MS4A18: variants seen among roughly 807,000 people sequenced by gnomAD.
The protein encoded by MS4A18 is membrane spanning 4-domains A18.
Under a neutral mutation model 13.1 loss-of-function variants are expected in MS4A18, and 27 were observed. That is an observed-to-expected ratio of 2.06 (90% CI 1.52 to 2.84). The LOEUF (loss-of-function observed/expected upper bound fraction) is 2.84. Ranked by LOEUF, MS4A18 falls within the 30% of genes most tolerant of loss-of-function variation. MS4A18 has a pLI of 0.00. For missense variants in MS4A18, 307 were observed against 196.4 expected (o/e 1.56, Z -3.37); for synonymous variants, 126 against 76.5 (o/e 1.65, Z -3.38).
At chr11:60,726,717 CTTTT>C (rs1853166215), upstream of MS4A18, among the ~76,000 whole-genome samples, 1 of 124,910 alleles carries the variant, frequency 8.0e-6, no homozygotes, top group African/African-American at 3.1e-5. Flanking sequence ...TGGGGTAACA[CTTTT>C]ATTTTATTTT....
At chr11:60,739,848 G>T (rs536085851) in intron 4 of MS4A18, among the ~76,000 whole-genome samples, 1 of 152,358 alleles carries the variant, frequency 6.6e-6, no homozygotes. Context: ...AAGATCGAGA[G>T]TAGCTAGCTC....
At chr11:60,733,408 T>TA in intron 1 of MS4A18, 126 bp from the exon 3 acceptor site, 1 of 651,018 alleles carries the variant, frequency 1.5e-6, no homozygotes, top group Non-Finnish European at 2.8e-6. Flanking sequence ...CCATTTGGTC[T>TA]GGGATGAGCC....
chr11:60,743,421 T>A (rs1208687347), intron 5 of MS4A18, among the ~76,000 whole-genome samples: 1 of 152,232 alleles, frequency 6.6e-6, no homozygotes, highest in Non-Finnish European at 1.5e-5. Context: ...CCAGTCTTTA[T>A]GTTCAGTGTT....
At chr11:60,730,173 G>T (rs533206319) in intron 1 of MS4A18, among the ~76,000 whole-genome samples, 1 of 152,286 alleles carries the variant, frequency 6.6e-6, no homozygotes, top group African/African-American at 2.4e-5. Context: ...CTCGCTCTGG[G>T]CCTCCATTTC....
intron 2 of MS4A18, among the ~76,000 whole-genome samples, chr11:60,734,036 G>A (rs1853298595): frequency 1.3e-5 from 2 of 152,084 alleles, no homozygotes; most frequent in African/African-American, 2.4e-5. Flanking sequence ...TTGGGGTCAG[G>A]AGTTTGAGAC....
intron 2 of MS4A18, among the ~76,000 whole-genome samples, chr11:60,735,048 G>A (rs558116686): frequency 4.0e-4 from 61 of 152,072 alleles, no homozygotes; most frequent in Non-Finnish European, 8.2e-4. Flanking sequence ...TTCCTAAAGC[G>A]CTGGGATTAC....
intron 5 of MS4A18, among the ~76,000 whole-genome samples, chr11:60,742,348 T>C (rs1329821949): frequency 1.3e-5 from 2 of 152,230 alleles, no homozygotes; most frequent in East Asian, 3.8e-4. Flanking sequence ...TTGAGCAATT[T>C]CAGTCAGATT....
rs145242396 is a variant in MS4A18, at chr11:60,736,899, G to A, written c.592-79G>A. Reference sequence around the variant, plus strand: ...GCATAGAACATAAAGATTGAGAAATGCGTCTCTGAGTGGACAGCTGTCTTT... The same window carrying A: ...GCATAGAACATAAAGATTGAGAAATACGTCTCTGAGTGGACAGCTGTCTTT... On this transcript the variant is annotated intron_variant, in intron 2 of 5. Coordinates refer to ENST00000529108, the Ensembl canonical transcript of MS4A18. 1,220 of 674,626 alleles carry A rather than the reference G, an allele frequency of 1.8e-3. 11 individuals carry two copies. The highest frequency in any genetic ancestry group is 0.017 in the African/African-American group (919 of 55,262). The allele number at this position is 674,626 out of a possible 1,614,324, so 41.8% of individuals were successfully genotyped here.
chr11:60,733,370 T>A (rs7110684), intron 1 of MS4A18, among the ~76,000 whole-genome samples, 164 bp from the exon 3 acceptor site: 2 of 152,040 alleles, frequency 1.3e-5, no homozygotes, highest in Non-Finnish European at 2.9e-5. Flanking sequence ...AACACCCAGG[T>A]GTGGACCCTA....
intron 4 of MS4A18, among the ~76,000 whole-genome samples, chr11:60,739,656 A>G (rs1853388044): frequency 6.6e-6 from 1 of 152,176 alleles, no homozygotes; most frequent in East Asian, 1.9e-4. Context: ...TCAATCATTG[A>G]TCAAAAACTG....
At position 60,736,963 on chromosome 11, in the gene MS4A18, T is replaced by C. The variant is rs2077227; in HGVS notation, c.592-15T>C. The C allele has an allele frequency of 0.12, 79,408 of 685,388 alleles. 3,691 individuals are homozygous for C. The highest frequency in any genetic ancestry group is 0.23 in the East Asian group (8,485 of 36,862). The allele number at this position is 685,388 out of a possible 1,614,324, so 42.5% of individuals were successfully genotyped here. ...ACAATTGGTCATTCTTTTTTTTTTT[T>C]TTTTGTCTGCGTAGTATATTGTATC... On this transcript the variant is annotated splice_polypyrimidine_tract_variant and intron_variant, in intron 2 of 5. Transcript: ENST00000529108.
At chr11:60,727,083 A>C (rs1033145482), upstream of MS4A18, among the ~76,000 whole-genome samples, 1 of 152,158 alleles carries the variant, frequency 6.6e-6, no homozygotes, top group African/African-American at 2.4e-5. Flanking sequence ...CCTGCAAAGG[A>C]CATGAACTCA....
intron 4 of MS4A18, among the ~76,000 whole-genome samples, chr11:60,740,087 A>G (rs1853395357): frequency 6.6e-6 from 1 of 152,188 alleles, no homozygotes; most frequent in Non-Finnish European, 1.5e-5. Context: ...ATGCAACAGG[A>G]TGTCCCAACA....
At chr11:60,739,413 G>A (rs773469328) in intron 4 of MS4A18, among the ~76,000 whole-genome samples, 9 of 152,148 alleles carry the variant, frequency 5.9e-5, no homozygotes, top group Non-Finnish European at 1.0e-4. Context: ...TCCAGATGCA[G>A]ATGCAAAGAG....
rs911292345 is a variant in MS4A18, at chr11:60,738,756, C to G, written c.649-146C>G. 31 of 586,574 alleles carry G rather than the reference C, an allele frequency of 5.3e-5. No homozygotes were observed. The Middle Eastern group carries it at 1.3e-3, about 25-fold the overall frequency. 36.3% of individuals were successfully genotyped at this position (586,574 alleles called of 1,614,324 possible). A position where few individuals can be genotyped will look rare whatever the true frequency, so the allele number is the denominator to read the frequency against. On this transcript the variant is annotated intron_variant, in intron 3 of 5. Coordinates refer to ENST00000529108, the Ensembl canonical transcript of MS4A18. ...GCAATGATTTTTCTCACCTCACTAT[C>G]GCTAAAATAAATGCTTCTCCACCCT... is the stretch of plus-strand genomic sequence containing the variant.
At chr11:60,736,611 A>G (rs931179466) in intron 2 of MS4A18, among the ~76,000 whole-genome samples, 3 of 152,292 alleles carry the variant, frequency 2.0e-5, no homozygotes, top group East Asian at 1.9e-4. Flanking sequence ...AGGATAGGGC[A>G]GCGGAGGCCA....
chr11:60,725,263 G>A (rs1196240177), upstream of MS4A18, among the ~76,000 whole-genome samples: 2 of 152,046 alleles, frequency 1.3e-5, no homozygotes, highest in Non-Finnish European at 2.9e-5. Context: ...GCGCGATCTC[G>A]GCTCACTGCA....
intron 5 of MS4A18, 68 bp downstream of exon 6, chr11:60,741,211 G>A (rs1399267997): frequency 2.9e-6 from 2 of 701,694 alleles, no homozygotes; most frequent in East Asian, 5.4e-5. Context: ...ATAGCAAGAG[G>A]TAACCAGAGA....
chr11:60,732,648 G>A (rs1420509057), intron 1 of MS4A18, among the ~76,000 whole-genome samples: 1 of 150,272 alleles, frequency 6.7e-6, no homozygotes, highest in Admixed American at 6.7e-5. Context: ...GGAGAATCAC[G>A]TGAACCTGGG....
Sources: gnomAD v4.1 joint callset for allele counts (sites outside exome capture counted in the v4.1 genomes callset) on GRCh38, gnomAD v4.1.1 for gene constraint, MANE v1.5 for transcripts, NCBI Gene and HGNC (gene_info 2026-07-23, HGNC 2026-07-21) for gene names.